BRINP1: variants seen among roughly 807,000 people sequenced by gnomAD.
BRINP1 encodes the protein BMP/retinoic acid-inducible neural-specific protein 1.
A neutral mutation model predicts 72.9 loss-of-function variants in BRINP1; 17 were observed. The ratio of observed to expected loss-of-function variants is 0.23; its 90% CI spans 0.16 to 0.35. The LOEUF (loss-of-function observed/expected upper bound fraction) is 0.35. BRINP1 is among the 10% of genes least tolerant of loss of function. BRINP1 has a pLI of 1.00. For synonymous variants in BRINP1, 418 were observed against 378.5 expected (o/e 1.10, Z -1.21); for missense variants, 850 against 1,001.6 (o/e 0.85, Z 2.04).
intron 3 of BRINP1, among the ~76,000 whole-genome samples, chr9:119,245,595 G>T (rs1430651789): frequency 6.6e-6 from 1 of 152,124 alleles, no homozygotes; most frequent in Non-Finnish European, 1.5e-5. Context: ...CAAAAATCTG[G>T]AGATCCCATG....
Sources: allele counts gnomAD v4.1 joint callset (sites outside exome capture counted in the v4.1 genomes callset), GRCh38; gene constraint gnomAD v4.1.1; transcripts MANE v1.5; gene names NCBI Gene and HGNC (gene_info 2026-07-23, HGNC 2026-07-21).